Variants in SLFNL1 observed in about 807,000 individuals in gnomAD.
SLFNL1 encodes the protein schlafen-like protein 1.
A neutral mutation model predicts 32.5 loss-of-function variants in SLFNL1; 26 were observed. That is an observed-to-expected ratio of 0.80 (90% confidence interval 0.59 to 1.11). The LOEUF is 1.11. Among genes scored for constraint, SLFNL1 ranks in the 50% least tolerant of loss-of-function variants. SLFNL1 has a pLI of 0.00. For synonymous variants in SLFNL1, 255 were observed against 242.2 expected (o/e 1.05, Z -0.49); for missense variants, 553 against 546.5 (o/e 1.01, Z -0.12).
At chr1:41,019,572 C>T (rs1643661496) in intron 3 of SLFNL1, among the ~76,000 whole-genome samples, 1 of 152,198 alleles carries the variant, frequency 6.6e-6, no homozygotes, top group South Asian at 2.1e-4. Flanking sequence ...TGCCCTTCTG[C>T]AGACATGACA....
intron 3 of SLFNL1, 50 bp from the exon 4 acceptor site, chr1:41,018,206 G>C: frequency 7.0e-7 from 1 of 1,428,526 alleles, no homozygotes; most frequent in Non-Finnish European, 9.2e-7. Flanking sequence ...GGAAATGGGA[G>C]CCCTGACCCT....
chr1:41,020,181 C>G, intron 3 of SLFNL1, 45 bp downstream of exon 3: 1 of 1,542,142 alleles, frequency 6.5e-7, no homozygotes, highest in Non-Finnish European at 8.7e-7. Flanking sequence ...GAGGCTCTCC[C>G]TTGGGGTGAG....
chr1:41,018,334 C>T lies in SLFNL1; in HGVS notation c.436-178G>A, dbSNP rs538664602. Reference sequence around the variant, plus strand: ...TCTGCCCACCCTCCTGCAGCCGAGGCAGGAAACCCTGCTGGATCGAGGGTT... The same window carrying T: ...TCTGCCCACCCTCCTGCAGCCGAGGTAGGAAACCCTGCTGGATCGAGGGTT... On this transcript the variant is annotated intron_variant, in intron 3 of 5. Coordinates refer to ENST00000302946, the MANE Select transcript of SLFNL1 (RefSeq NM_144990.4). 1.0e-4 allele frequency: 60 copies of T among 579,334 alleles called. No homozygotes were observed. The African/African-American group carries it at 1.1e-3, about 10-fold the overall frequency. The allele number at this position is 579,334 out of a possible 1,614,324, so 35.9% of individuals were successfully genotyped here. A position where few individuals can be genotyped will look rare whatever the true frequency, so the allele number is the denominator to read the frequency against.
Position 41,017,209 on chromosome 1 carries a change from C to G in SLFNL1, c.1101+25G>C. The stretch of plus-strand genomic sequence containing the variant: ...GTCTGGGGTCAGCTCCGCTCCACCC[C>G]ACCCACTGGCCTCAGCTTCCGTACC... On this transcript the variant is annotated intron_variant, in intron 5 of 5. Coordinates refer to ENST00000302946, the MANE Select transcript of SLFNL1 (RefSeq NM_144990.4). The surrounding 1 kb of genome is among the most constrained non-coding windows in gnomAD (Gnocchi z 4.9). 1 of 1,536,898 alleles carries G rather than the reference C, an allele frequency of 6.5e-7. No homozygotes were observed. Among genetic ancestry groups the G allele is most frequent in the South Asian group, 1.2e-5 (1 of 83,462 alleles).
At chr1:41,016,331 C>T (rs1643323532) in intron 5 of SLFNL1, 103 bp from the exon 6 acceptor site, 1 of 1,503,740 alleles carries the variant, frequency 6.7e-7, no homozygotes, top group South Asian at 1.3e-5. Flanking sequence ...AGCCCAGGAG[C>T]CTGAGAGCTT....
At chr1:41,018,613 G>A (rs1401085118) in intron 3 of SLFNL1, among the ~76,000 whole-genome samples, 1 of 152,108 alleles carries the variant, frequency 6.6e-6, no homozygotes, top group Non-Finnish European at 1.5e-5. Context: ...CCCACTTCCT[G>A]ATTTCAAACC....
chr1:41,017,860 C>T lies in SLFNL1; in HGVS notation c.732G>A (p.Arg244=). 6.2e-7 allele frequency: 1 copy of T among 1,605,928 alleles called. No individual in the cohort carries two copies. ...YLSLAFKHHV[R]RYVCAFLNSE... ...TGTTGAGGAAGGCGCACACGTAGCG[C>T]CGCACGTGGTGCTTGAAGGCCAGGC... is the stretch of plus-strand genomic sequence containing the variant. The change falls in exon 4 of 6, where the codon CGG becomes CGA. Residue 244 remains arginine (R), a synonymous_variant. Transcript: ENST00000302946. The surrounding 1 kb of genome is among the most constrained non-coding windows in gnomAD (Gnocchi z 4.9).
At position 41,017,608 on chromosome 1, in the gene SLFNL1, A is replaced by T. The variant is rs1293471221; in HGVS notation, c.957+27T>A. 6.6e-7 allele frequency: 1 copy of T among 1,514,104 alleles called. No individual in the cohort carries two copies. The highest frequency in any genetic ancestry group is 2.2e-5 in the Admixed American group (1 of 45,078). The allele number at this position is 1,514,104 out of a possible 1,614,324, so 93.8% of individuals were successfully genotyped here. On this transcript the variant is annotated intron_variant, in intron 4 of 5. Coordinates refer to ENST00000302946, the MANE Select transcript of SLFNL1 (RefSeq NM_144990.4). This position sits in a 1 kb window ranked among gnomAD's most constrained non-coding sequence, Gnocchi z 4.9. ...CTGAGTGATGACAGATGACAGGCCC[A>T]GAGGCCCTCCTGTCCTGCAGGCTCA...
In SLFNL1 at chr1:41,017,229, C is replaced by T. The variant is rs141445707; in HGVS notation, c.1101+5G>A. On this transcript the variant is annotated splice_donor_5th_base_variant and intron_variant, in intron 5 of 5. Coordinates refer to ENST00000302946, the MANE Select transcript of SLFNL1 (RefSeq NM_144990.4). The surrounding 1 kb of genome is among the most constrained non-coding windows in gnomAD (Gnocchi z 4.9). ...CACCCCACCCACTGGCCTCAGCTTC[C>T]GTACCTGCCTGCACCACTCCTGGAT... is the stretch of plus-strand genomic sequence containing the variant. 4,744 of 1,558,582 alleles carry T rather than the reference C, an allele frequency of 3.0e-3. 33 individuals carry two copies. Among genetic ancestry groups the T allele is most frequent in the South Asian group, 0.013 (1,073 of 85,500 alleles).
rs1440025486 is a variant in SLFNL1, at chr1:41,020,283, T to A, written c.378A>T (p.Ala126=). The change falls in exon 3 of 6, where the codon GCA becomes GCT. Residue 126 remains alanine, a synonymous_variant. Coordinates refer to ENST00000302946, the MANE Select transcript of SLFNL1 (RefSeq NM_144990.4). The stretch of plus-strand genomic sequence containing the variant: ...TCAATAGCAGGTCCTTCCCACGGGC[T>A]GCCAGCTCCTTGAGGATTAGGTGCT... ...LEEHLILKEL[A]ARGKDLLLSE... 1 of 1,612,886 alleles carries A rather than the reference T, an allele frequency of 6.2e-7. No homozygotes were observed. The highest frequency in any genetic ancestry group is 1.7e-5 in the Admixed American group (1 of 59,986).
chr1:41,017,577 G>A lies in SLFNL1; in HGVS notation c.957+58C>T, dbSNP rs982344352. 5.6e-5 allele frequency: 85 copies of A among 1,506,356 alleles called. 1 individual carries two copies. In the South Asian group the frequency reaches 8.8e-4, roughly 16 times the overall value. The allele number at this position is 1,506,356 out of a possible 1,614,324, so 93.3% of individuals were successfully genotyped here. A position where few individuals can be genotyped will look rare whatever the true frequency, so the allele number is the denominator to read the frequency against. On this transcript the variant is annotated intron_variant, in intron 4 of 5. Transcript: ENST00000302946. The surrounding 1 kb of genome is among the most constrained non-coding windows in gnomAD (Gnocchi z 4.9). ...CTGCCTGGCAGGAGTGCAGGCCATC[G>A]TCTTACTGAGTGATGACAGATGACA...
rs765302179 is a variant in SLFNL1 at position 41,018,049 on chromosome 1, C to G, written c.543G>C (p.Gln181His). 3.1e-6 allele frequency: 5 copies of G among 1,591,356 alleles called. 1 individual carries two copies. In the South Asian group the frequency reaches 3.4e-5, roughly 11 times the overall value. Residue 181 changes from glutamine to histidine, a missense_variant, in exon 4 of 6, where the codon CAG becomes CAC. Transcript: ENST00000302946. Reference sequence around the variant, plus strand: ...CCTGGCAGCTCTGCAGCTGCTGGGCCTGGGGCCTATCAGGCAGCGTGTGTG... The same window carrying G: ...CCTGGCAGCTCTGCAGCTGCTGGGCGTGGGGCCTATCAGGCAGCGTGTGTG... ...WPTHTLPDRP[Q>H]AQQLQSCQGR... is the part of the protein sequence containing the mutation.
Position 41,017,253 on chromosome 1 carries a change from A to T in SLFNL1, c.1082T>A (p.Ile361Asn). The change falls in exon 5 of 6, where the codon ATC becomes AAC. Residue 361 changes from isoleucine to asparagine, a missense_variant. Coordinates refer to ENST00000302946, the MANE Select transcript of SLFNL1 (RefSeq NM_144990.4). This position sits in a 1 kb window ranked among gnomAD's most constrained non-coding sequence, Gnocchi z 4.9. Reference protein sequence around the residue: ...SIQGPLSASAIQEWCRQRWLV... With the variant: ...SIQGPLSASANQEWCRQRWLV... The stretch of plus-strand genomic sequence containing the variant: ...CCGTACCTGCCTGCACCACTCCTGG[A>T]TGGCGCTGGCAGACAGCGGGCCCTG... 5 of 1,590,678 alleles carry T rather than the reference A, an allele frequency of 3.1e-6. No homozygotes were observed. Among genetic ancestry groups the T allele is most frequent in the Non-Finnish European group, 4.3e-6 (5 of 1,170,216 alleles).
chr1:41,020,805 C>A, intron 2 of SLFNL1, 27 bp from the exon 3 acceptor site: 1 of 716,824 alleles, frequency 1.4e-6, no homozygotes. Context: ...TTGGCAGAGA[C>A]TGGGCAGGGC....
intron 3 of SLFNL1, among the ~76,000 whole-genome samples, chr1:41,018,832 T>G (rs1161018834): frequency 7.6e-6 from 1 of 131,674 alleles, no homozygotes; most frequent in Admixed American, 7.6e-5. Flanking sequence ...CCTCCTGTTT[T>G]TTTTTTTTTT....
chr1:41,016,048 G>A lies in SLFNL1; in HGVS notation c.*58C>T, dbSNP rs1643293598. 1 of 1,569,706 alleles carries A rather than the reference G, an allele frequency of 6.4e-7. No homozygotes were observed. The highest frequency in any genetic ancestry group is 8.7e-7 in the Non-Finnish European group (1 of 1,155,722). On this transcript the variant is annotated 3_prime_UTR_variant, in exon 6 of 6. Transcript: ENST00000302946. ...ACTGGTTGGCCTTACACTCAAACAG[G>A]AAATCCCTGGGTCTCAGGTGGAGAG... is the stretch of plus-strand genomic sequence containing the variant.
Position 41,020,307 on chromosome 1 carries a change from C to A in SLFNL1, c.354G>T (p.Glu118Asp). 1.2e-6 allele frequency: 2 copies of A among 1,613,678 alleles called. No individual in the cohort carries two copies. The highest frequency in any genetic ancestry group is 2.2e-5 in the South Asian group (2 of 91,072). Residue 118 changes from glutamate (E) to aspartate (D), a missense_variant, in exon 3 of 6, where the codon GAG becomes GAT. Transcript: ENST00000302946. Reference protein sequence around the residue: ...LPWRLQTALEEHLILKELAAR... With the variant: ...LPWRLQTALEDHLILKELAAR... ...CTGCCAGCTCCTTGAGGATTAGGTG[C>A]TCCTCCAGGGCCGTCTGCAGGCGCC...
Position 41,020,673 on chromosome 1 carries a change from C to T in SLFNL1, c.-13G>A, listed in dbSNP as rs1360962871. The stretch of plus-strand genomic sequence containing the variant: ...TCATGGGGGTCATGGGAAGGCTCTC[C>T]CTGGGAAGGGGTTCCAGGATTCCTC... On this transcript the variant is annotated 5_prime_UTR_variant, in exon 3 of 6. Coordinates refer to ENST00000302946, the MANE Select transcript of SLFNL1 (RefSeq NM_144990.4). 22 of 1,599,692 alleles carry T rather than the reference C, an allele frequency of 1.4e-5. No individual in the cohort carries two copies. Among genetic ancestry groups the T allele is most frequent in the Non-Finnish European group, 1.9e-5 (22 of 1,169,978 alleles).
Position 41,017,106 on chromosome 1 carries a change from C to T in SLFNL1, c.1101+128G>A. 1.7e-6 allele frequency: 2 copies of T among 1,209,750 alleles called. No homozygotes were observed. The highest frequency in any genetic ancestry group is 2.2e-6 in the Non-Finnish European group (2 of 894,568). 74.9% of individuals were successfully genotyped at this position (1,209,750 alleles called of 1,614,324 possible). ...ATGTGGTGTGATTGTATTCCAACCC[C>T]TTGGGTTCAACGGGGTGATGCAGGA... On this transcript the variant is annotated intron_variant, in intron 5 of 5. Transcript: ENST00000302946. The surrounding 1 kb of genome is among the most constrained non-coding windows in gnomAD (Gnocchi z 4.9).
Sources: allele counts gnomAD v4.1 joint callset (sites outside exome capture counted in the v4.1 genomes callset), GRCh38; gene constraint gnomAD v4.1.1; non-coding constraint Gnocchi (gnomAD v3.1); transcripts MANE v1.5; gene names NCBI Gene and HGNC (gene_info 2026-07-23, HGNC 2026-07-21).